Variants in BICC1 observed in about 807,000 individuals in gnomAD.
BICC1 encodes protein bicaudal C homolog 1.
BICC1 carries 43 observed loss-of-function variants against 111.0 expected under a neutral mutation model. The observed-to-expected ratio is 0.39, with a 90% CI of 0.30 to 0.50. The LOEUF is 0.50. Among genes scored for constraint, BICC1 ranks in the 20% least tolerant of loss-of-function variants. The pLI, the probability that BICC1 is intolerant of heterozygous loss-of-function variation, is 0.88. For missense variants in BICC1, 1,091 were observed against 1,203.2 expected (o/e 0.91, Z 1.38); for synonymous variants, 467 against 434.4 (o/e 1.07, Z -0.93).
intron 3 of BICC1, among the ~76,000 whole-genome samples, chr10:58,754,604 C>T (rs1842087811): frequency 6.6e-6 from 1 of 152,172 alleles, no homozygotes; most frequent in Admixed American, 6.5e-5. Context: ...CAGTACATGC[C>T]TCACACGGCA....
chr10:58,780,033 A>G (rs543745117), intron 3 of BICC1, among the ~76,000 whole-genome samples: 2 of 152,270 alleles, frequency 1.3e-5, no homozygotes, highest in South Asian at 4.1e-4. Context: ...AAGAAGTTGG[A>G]GCTGCGCCTC....
chr10:58,730,064 G>A (rs948769778), intron 3 of BICC1, among the ~76,000 whole-genome samples: 1 of 152,108 alleles, frequency 6.6e-6, no homozygotes, highest in Non-Finnish European at 1.5e-5. Context: ...AAAGTCTCAG[G>A]TCTCATTTGA....
chr10:58,718,822 G>A (rs960201093), intron 3 of BICC1, among the ~76,000 whole-genome samples: 4 of 152,108 alleles, frequency 2.6e-5, no homozygotes, highest in East Asian at 1.9e-4. Flanking sequence ...GTGTGTGTGC[G>A]TGCATGTTTG....
chr10:58,772,098 G>A (rs1032751987), intron 3 of BICC1, among the ~76,000 whole-genome samples: 2 of 152,100 alleles, frequency 1.3e-5, no homozygotes, highest in Non-Finnish European at 2.9e-5. Context: ...GTAGGCATTC[G>A]GTGAGCCTTG....
intron 3 of BICC1, among the ~76,000 whole-genome samples, chr10:58,746,218 T>G (rs1841833856): frequency 6.6e-6 from 1 of 152,164 alleles, no homozygotes; most frequent in Admixed American, 6.6e-5. Context: ...AAACTTTATT[T>G]TGCTTACATC....
At chr10:58,524,225 A>G (rs1842469241) in intron 1 of BICC1, among the ~76,000 whole-genome samples, 1 of 152,210 alleles carries the variant, frequency 6.6e-6, no homozygotes, top group African/African-American at 2.4e-5. Flanking sequence ...GGAACCAAAA[A>G]AAGCCCGCAT....
chr10:58,678,606 TGTCA>T (rs1437954260), intron 2 of BICC1, among the ~76,000 whole-genome samples: 1 of 152,180 alleles, frequency 6.6e-6, no homozygotes, highest in Non-Finnish European at 1.5e-5. Flanking sequence ...AACACCCCAC[TGTCA>T]GTATTAGACA....
At chr10:58,707,513 ATTGT>A (rs1373505710) in intron 3 of BICC1, among the ~76,000 whole-genome samples, 1 of 151,940 alleles carries the variant, frequency 6.6e-6, no homozygotes, top group Non-Finnish European at 1.5e-5. Context: ...GTGTAAGGGC[ATTGT>A]TTGTTATTAA....
At chr10:58,689,018 TAAAGTA>T (rs1839836331) in intron 2 of BICC1, among the ~76,000 whole-genome samples, 1 of 152,074 alleles carries the variant, frequency 6.6e-6, no homozygotes, top group African/African-American at 2.4e-5. Context: ...TCCCAGAACT[TAAAGTA>T]TAATAACAAC....
intron 2 of BICC1, among the ~76,000 whole-genome samples, chr10:58,690,946 G>T (rs887913450): frequency 6.6e-6 from 1 of 152,070 alleles, no homozygotes; most frequent in African/African-American, 2.4e-5. Context: ...TACTATTTCC[G>T]TTCCTCCCCC....
chr10:58,651,450 A>G lies in BICC1; in HGVS notation c.237+30549A>G, dbSNP rs566882866. Among the ~76,000 whole-genome samples, 8 of 152,270 alleles carry G rather than the reference A, an allele frequency of 5.3e-5. No homozygotes were observed. The East Asian group carries it at 1.2e-3, about 22-fold the overall frequency. On this transcript the variant is annotated intron_variant, in intron 2 of 20. Coordinates refer to ENST00000373886, the MANE Select transcript of BICC1 (RefSeq NM_001080512.3). ...GTGGTTTGCTTTTTAGCTATGGACA[A>G]TGTGAATCCTGTTCAGATGTTGTTT...
intron 1 of BICC1, among the ~76,000 whole-genome samples, chr10:58,584,123 C>T (rs192864131): frequency 8.3e-4 from 126 of 151,434 alleles, no homozygotes; most frequent in African/African-American, 3.1e-3. Flanking sequence ...TTTTTCTCAC[C>T]TGCGCTATGT....
At chr10:58,575,642 T>G (rs1844090549) in intron 1 of BICC1, among the ~76,000 whole-genome samples, 1 of 152,112 alleles carries the variant, frequency 6.6e-6, no homozygotes, top group Non-Finnish European at 1.5e-5. Context: ...AGGCTCTCCT[T>G]GGACTCCTGG....
At chr10:58,684,704 G>A (rs1174364939) in intron 2 of BICC1, among the ~76,000 whole-genome samples, 1 of 152,152 alleles carries the variant, frequency 6.6e-6, no homozygotes, top group African/African-American at 2.4e-5. Context: ...TTGTATTTCT[G>A]TGGGATCGGT....
intron 2 of BICC1, among the ~76,000 whole-genome samples, chr10:58,668,112 A>T (rs1386138220): frequency 6.6e-6 from 1 of 152,114 alleles, no homozygotes; most frequent in Non-Finnish European, 1.5e-5. Flanking sequence ...AATGCATAGC[A>T]TGCAAACTGG....
intron 3 of BICC1, among the ~76,000 whole-genome samples, chr10:58,731,470 T>A (rs1564579982): frequency 6.6e-6 from 1 of 152,232 alleles, no homozygotes; most frequent in East Asian, 1.9e-4. Flanking sequence ...GGTATCTTTG[T>A]ATTAATACCC....
intron 17 of BICC1, among the ~76,000 whole-genome samples, chr10:58,812,159 A>T (rs1843927735): frequency 6.6e-6 from 1 of 151,918 alleles, no homozygotes; most frequent in African/African-American, 2.4e-5. Flanking sequence ...TTAGGGAGGC[A>T]GTTGGGACAT....
chr10:58,780,327 G>A (rs1321865812), intron 3 of BICC1, among the ~76,000 whole-genome samples: 4 of 152,048 alleles, frequency 2.6e-5, no homozygotes, highest in African/African-American at 7.2e-5. Flanking sequence ...CTTTTGTTTT[G>A]TTTTTATTGT....
chr10:58,819,517 T>C (rs909998787), intron 19 of BICC1, among the ~76,000 whole-genome samples: 1 of 152,194 alleles, frequency 6.6e-6, no homozygotes, highest in African/African-American at 2.4e-5. Context: ...ATTTAATTTA[T>C]TGTAAGCATG....
Sources: allele counts gnomAD v4.1 joint callset (sites outside exome capture counted in the v4.1 genomes callset), GRCh38; gene constraint gnomAD v4.1.1; transcripts MANE v1.5; gene names NCBI Gene and HGNC (gene_info 2026-07-23, HGNC 2026-07-21).